Variants in ADCY3 observed in about 807,000 individuals in gnomAD.
ADCY3 encodes adenylate cyclase type 3.
ADCY3 carries 70 observed loss-of-function variants against 119.4 expected under a neutral mutation model. That is an observed-to-expected ratio of 0.59 (90% confidence interval 0.48 to 0.72). The LOEUF (loss-of-function observed/expected upper bound fraction) is 0.72. Among genes scored for constraint, ADCY3 ranks in the 30% least tolerant of loss-of-function variants. ADCY3 has a pLI of 0.00. For synonymous variants in ADCY3, 672 were observed against 621.4 expected (o/e 1.08, Z -1.21); for missense variants, 1,238 against 1,541.6 (o/e 0.80, Z 3.30).
rs1023946627 is a variant in ADCY3, at chr2:24,836,931, C to T, written c.1648G>A (p.Glu550Lys). 4.3e-6 allele frequency: 7 copies of T among 1,613,082 alleles called. No individual in the cohort carries two copies. The highest frequency in any genetic ancestry group is 5.9e-6 in the Non-Finnish European group (7 of 1,179,912). Residue 550 changes from glutamate (E) to lysine (K), a missense_variant, in exon 9 of 22, where the codon GAG becomes AAG. Coordinates refer to ENST00000679454, the MANE Select transcript of ADCY3 (RefSeq NM_004036.5). The stretch of plus-strand genomic sequence containing the variant: ...CCTGCACATACCTGGGCATCCTGCT[C>T]CTCGGGCTTCTCCGACGTGGACCCA... The part of the protein sequence containing the change: ...SSGSTSEKPE[E>K]QDAQADNPSF...
Position 24,822,518 on chromosome 2 carries a change from G to T in ADCY3, c.2996C>A (p.Ser999Tyr). Residue 999 changes from serine (S) to tyrosine (Y), a missense_variant, in exon 19 of 22, where the codon TCC (serine) becomes TAC (tyrosine). Coordinates refer to ENST00000679454, the MANE Select transcript of ADCY3 (RefSeq NM_004036.5). ...GCTACTGGGGTTAGCTACCTTGTTGGAGCTGGCAAAGCCATTGGTGTTGAC... is the reference window on the plus strand; with the variant it reads ...GCTACTGGGGTTAGCTACCTTGTTGTAGCTGGCAAAGCCATTGGTGTTGAC... ...PDVNTNGFAS[S>Y]NKEDKSERER... The T allele has an allele frequency of 6.2e-7, 1 of 1,613,718 alleles. No individual in the cohort carries two copies. The highest frequency in any genetic ancestry group is 8.5e-7 in the Non-Finnish European group (1 of 1,179,684).
At chr2:24,882,276 A>G (rs142920450) in intron 2 of ADCY3, among the ~76,000 whole-genome samples, 1 of 152,294 alleles carries the variant, frequency 6.6e-6, no homozygotes, top group Non-Finnish European at 1.5e-5. Flanking sequence ...GCAAGAATGG[A>G]CAGCTCAAAT....
Position 24,841,728 on chromosome 2 carries a change from T to C in ADCY3, c.957-61A>G, listed in dbSNP as rs1220089513. ...GGCAGCCAGGTGTACCCGACCCCAC[T>C]GCCAGCTCCCTCTCCAACCCACAGG... On this transcript the variant is annotated intron_variant, in intron 4 of 21. Coordinates refer to ENST00000679454, the MANE Select transcript of ADCY3 (RefSeq NM_004036.5). The surrounding 1 kb of genome is among the most constrained non-coding windows in gnomAD (Gnocchi z 5.8). 7.6e-7 allele frequency: 1 copy of C among 1,319,588 alleles called. No homozygotes were observed. The highest frequency in any genetic ancestry group is 1.4e-5 in the African/African-American group (1 of 69,266). The allele number at this position is 1,319,588 out of a possible 1,614,324, so 81.7% of individuals were successfully genotyped here.
chr2:24,915,736 T>G (rs933934243), intron 2 of ADCY3, among the ~76,000 whole-genome samples: 2 of 152,162 alleles, frequency 1.3e-5, no homozygotes, highest in African/African-American at 4.8e-5. Flanking sequence ...AGATGCGGTT[T>G]CGCCATGTTG....
chr2:24,828,123 T>C lies in ADCY3; in HGVS notation c.2211A>G (p.Ala737=). Residue 737 remains alanine (A), a synonymous_variant, in exon 14 of 22, where the codon GCA becomes GCG. Coordinates refer to ENST00000679454, the MANE Select transcript of ADCY3 (RefSeq NM_004036.5). The part of the protein sequence containing the change: ...CLQYYTGPSN[A]TAGMETEGSC... ...TGCCCTCCGTTTCCATCCCTGCCGT[T>C]GCATTGCTGGGTCCCGTGTAGTACT... The C allele has an allele frequency of 6.2e-7, 1 of 1,614,086 alleles. No individual in the cohort carries two copies. The highest frequency in any genetic ancestry group is 1.1e-5 in the South Asian group (1 of 91,072).
chr2:24,909,938 T>C (rs1295986719), intron 2 of ADCY3, among the ~76,000 whole-genome samples: 1 of 152,218 alleles, frequency 6.6e-6, no homozygotes, highest in Non-Finnish European at 1.5e-5. Context: ...AAAACTGTGA[T>C]AGCTTCCACC....
At chr2:24,891,984 A>G (rs1335753072) in intron 2 of ADCY3, among the ~76,000 whole-genome samples, 1 of 152,350 alleles carries the variant, frequency 6.6e-6, no homozygotes, top group East Asian at 1.9e-4. Context: ...GCCCCCACGA[A>G]TAAGGGGGAA....
chr2:24,911,661 C>A (rs1663688172), intron 2 of ADCY3, among the ~76,000 whole-genome samples: 1 of 119,916 alleles, frequency 8.3e-6, no homozygotes, highest in Non-Finnish European at 1.6e-5. Flanking sequence ...AAAAAAAACA[C>A]ACACACACAC....
At chr2:24,849,167 T>C (rs1672005777) in intron 3 of ADCY3, among the ~76,000 whole-genome samples, 1 of 152,232 alleles carries the variant, frequency 6.6e-6, no homozygotes, top group African/African-American at 2.4e-5. Context: ...CCTGCCCTCC[T>C]GGGTCTACCT....
chr2:24,821,873 G>A (rs2148350139), intron 19 of ADCY3: 1 of 521,906 alleles, frequency 1.9e-6, no homozygotes. Context: ...AGACGGACCT[G>A]TGAGTCTGAC....
chr2:24,882,884 C>T (rs1338769390), intron 2 of ADCY3, among the ~76,000 whole-genome samples: 1 of 151,994 alleles, frequency 6.6e-6, no homozygotes, highest in African/African-American at 2.4e-5. Context: ...TGGTGAAACC[C>T]CGTCTCTACT....
intron 15 of ADCY3, 42 bp downstream of exon 15, chr2:24,827,504 G>A (rs750787613): frequency 9.6e-6 from 15 of 1,557,360 alleles, no homozygotes; most frequent in Non-Finnish European, 1.3e-5. Context: ...TCTAGAAGAA[G>A]GGCTGTGAGT....
At chr2:24,856,817 T>C (rs939853236) in intron 3 of ADCY3, among the ~76,000 whole-genome samples, 1 of 152,136 alleles carries the variant, frequency 6.6e-6, no homozygotes, top group African/African-American at 2.4e-5. Context: ...AGAGCTTGGA[T>C]GGGTGGGGCA....
intron 6 of ADCY3, chr2:24,840,609 A>C (rs1316870238): frequency 2.2e-6 from 1 of 452,936 alleles, no homozygotes; most frequent in Non-Finnish European, 4.6e-6. Context: ...CCCATGGGGG[A>C]GGGGCCTCGG....
chr2:24,871,083 C>T (rs1043959673), intron 3 of ADCY3, among the ~76,000 whole-genome samples: 4 of 150,386 alleles, frequency 2.7e-5, no homozygotes, highest in South Asian at 2.1e-4. Flanking sequence ...CTGAAAACTG[C>T]GCAAATGTTA....
chr2:24,919,414 C>T lies in ADCY3; in HGVS notation c.-197-230G>A, dbSNP rs1325074641. 2 of 169,852 alleles carry T rather than the reference C, an allele frequency of 1.2e-5. No homozygotes were observed. The highest frequency in any genetic ancestry group is 3.4e-4 in the East Asian group (2 of 5,860). 10.5% of individuals were successfully genotyped at this position (169,852 alleles called of 1,614,324 possible). On this transcript the variant is annotated intron_variant, in intron 1 of 21. Transcript: ENST00000679454. The surrounding 1 kb of genome is among the most constrained non-coding windows in gnomAD (Gnocchi z 5.5). Reference sequence around the variant, plus strand: ...TTGTGGAAGGGCCTAGCCGCCTTTCCATCCCTGGTAACCGGTTTCTCTCTG... The same window carrying T: ...TTGTGGAAGGGCCTAGCCGCCTTTCTATCCCTGGTAACCGGTTTCTCTCTG...
intron 3 of ADCY3, among the ~76,000 whole-genome samples, chr2:24,862,298 G>T (rs112864136): frequency 5.3e-5 from 8 of 152,328 alleles, no homozygotes; most frequent in African/African-American, 1.7e-4. Flanking sequence ...TGTAATCCCA[G>T]CACTTTGGGA....
rs1279800372 is a variant in ADCY3, at chr2:24,841,604, A to G, written c.1020T>C (p.Leu340=). 1 of 1,613,496 alleles carries G rather than the reference A, an allele frequency of 6.2e-7. No individual in the cohort carries two copies. The highest frequency in any genetic ancestry group is 1.7e-5 in the Admixed American group (1 of 59,986). The change falls in exon 5 of 22, where the codon CTT becomes CTC. Residue 340 remains leucine, a synonymous_variant. Coordinates refer to ENST00000679454, the MANE Select transcript of ADCY3 (RefSeq NM_004036.5). This position sits in a 1 kb window ranked among gnomAD's most constrained non-coding sequence, Gnocchi z 5.8. ...QLSSACSAQE[L]VKLLNELFAR... Reference sequence around the variant, plus strand: ...CAAAGAGCTCGTTGAGCAGCTTCACAAGCTCCTGGGCACTGCAGGCAGAAG... The same window carrying G: ...CAAAGAGCTCGTTGAGCAGCTTCACGAGCTCCTGGGCACTGCAGGCAGAAG...
chr2:24,888,345 C>T (rs896289188), intron 2 of ADCY3, among the ~76,000 whole-genome samples: 2 of 152,244 alleles, frequency 1.3e-5, no homozygotes, highest in South Asian at 4.1e-4. Context: ...CTGGACGGCT[C>T]AGCTCCTGTC....
Sources: allele counts gnomAD v4.1 joint callset (sites outside exome capture counted in the v4.1 genomes callset), GRCh38; gene constraint gnomAD v4.1.1; non-coding constraint Gnocchi (gnomAD v3.1); transcripts MANE v1.5; gene names NCBI Gene and HGNC (gene_info 2026-07-23, HGNC 2026-07-21).